The following CPS1 variants were observed in gnomAD, a reference collection of about 807,000 sequenced individuals.
CPS1 encodes carbamoyl-phosphate synthase [ammonia], mitochondrial.
A neutral mutation model predicts 174.6 loss-of-function variants in CPS1; 109 were observed. The observed-to-expected ratio is 0.62, with a 90% CI of 0.53 to 0.73. The LOEUF (loss-of-function observed/expected upper bound fraction) is 0.73. Among genes scored for constraint, CPS1 ranks in the 30% least tolerant of loss-of-function variants. The pLI is 0.00. For missense variants in CPS1, 1,689 were observed against 1,821.9 expected (o/e 0.93, Z 1.33); for synonymous variants, 637 against 632.0 (o/e 1.01, Z -0.12).
At chr2:210,502,150 A>G (rs560167308) in intron 1 of CPS1, among the ~76,000 whole-genome samples, 8 of 152,088 alleles carry the variant, frequency 5.3e-5, no homozygotes, top group South Asian at 2.1e-4. Context: ...CCATGATTCA[A>G]TTATTTCCAC....
rs781683030 is a variant in CPS1, at chr2:210,677,145, T to G, written c.4404+9T>G. The G allele has an allele frequency of 6.2e-7, 1 of 1,613,330 alleles. No homozygotes were observed. Among genetic ancestry groups the G allele is most frequent in the Middle Eastern group, 1.7e-4 (1 of 6,056 alleles). On this transcript the variant is annotated intron_variant, in intron 37 of 37. Coordinates refer to ENST00000233072, the MANE Select transcript of CPS1 (RefSeq NM_001875.5). ...TCCTCACTAATTTTCAGGTATAGTC[T>G]TTTCCTTGGATATAGACTGGATGGG...
intron 35 of CPS1, 57 bp from the exon 36 acceptor site, chr2:210,675,670 TC>T (rs1488484769): frequency 9.5e-6 from 8 of 844,376 alleles, no homozygotes; most frequent in South Asian, 9.4e-5. Context: ...AATTACATGT[TC>T]CATAAAAATA....
Position 210,612,210 on chromosome 2 carries a change from A to G in CPS1, c.2485A>G (p.Met829Val), listed in dbSNP as rs763220320. 16 of 1,612,160 alleles carry G rather than the reference A, an allele frequency of 9.9e-6. No homozygotes were observed. The highest frequency in any genetic ancestry group is 1.6e-4 in the Middle Eastern group (1 of 6,074). The change falls in exon 20 of 38, where the codon ATG (methionine) becomes GTG (valine). Residue 829 changes from methionine to valine, a missense_variant. By Grantham distance (21) the Met-to-Val change is conservative. Transcript: ENST00000233072. ...SIEGFTPRLP[M>V]NKEWPSNLDL... ...AGAAGGTTTCACTCCCCGTCTCCCA[A>G]TGAACAAAGAATGGCCATCTAATTT...
At chr2:210,630,100 A>C (rs1303633942) in intron 21 of CPS1, among the ~76,000 whole-genome samples, 1 of 151,444 alleles carries the variant, frequency 6.6e-6, no homozygotes, top group African/African-American at 2.4e-5. Context: ...AACAAAAAAA[A>C]AAAACAAAAC....
At chr2:210,640,624 C>A (rs1337142508) in intron 24 of CPS1, among the ~76,000 whole-genome samples, 2 of 152,026 alleles carry the variant, frequency 1.3e-5, no homozygotes, top group Non-Finnish European at 2.9e-5. Flanking sequence ...ATTACAGATG[C>A]AAGTATGTAT....
intron 9 of CPS1, 146 bp from the exon 10 acceptor site, chr2:210,591,685 G>C: frequency 1.2e-6 from 1 of 827,972 alleles, no homozygotes; most frequent in Non-Finnish European, 1.9e-6. Flanking sequence ...AACAATCTGT[G>C]ACTTTTCTCA....
In CPS1 at chr2:210,599,623, A is replaced by G. The variant is rs1156946672; in HGVS notation, c.1549+62A>G. ...TATGCACTGCTGTGTAATGTATTTTATTTGAGCTCATCTAACAATTGTGCT... is the reference window on the plus strand; with the variant it reads ...TATGCACTGCTGTGTAATGTATTTTGTTTGAGCTCATCTAACAATTGTGCT... On this transcript the variant is annotated intron_variant, in intron 14 of 37. Transcript: ENST00000233072. 7.2e-6 allele frequency: 11 copies of G among 1,525,880 alleles called. No homozygotes were observed. In the East Asian group the frequency reaches 2.5e-4, roughly 34 times the overall value. The allele number at this position is 1,525,880 out of a possible 1,614,324, so 94.5% of individuals were successfully genotyped here. A position where few individuals can be genotyped will look rare whatever the true frequency, so the allele number is the denominator to read the frequency against.
chr2:210,578,774 C>T (rs947015836), intron 4 of CPS1, among the ~76,000 whole-genome samples: 3 of 152,188 alleles, frequency 2.0e-5, no homozygotes, highest in Non-Finnish European at 4.4e-5. Flanking sequence ...CTTATCCAGG[C>T]AGCTAATTTC....
intron 1 of CPS1, among the ~76,000 whole-genome samples, chr2:210,540,279 C>T (rs986009630): frequency 1.3e-5 from 2 of 152,060 alleles, no homozygotes; most frequent in South Asian, 2.1e-4. Flanking sequence ...TTCCAAACCA[C>T]CCAAAAGAAA....
chr2:210,499,699 G>C (rs1695093594), intron 1 of CPS1, among the ~76,000 whole-genome samples: 2 of 152,120 alleles, frequency 1.3e-5, no homozygotes, highest in African/African-American at 4.8e-5. Context: ...TCCAGGACTT[G>C]GGAGAAAAAA....
chr2:210,605,044 C>T, intron 16 of CPS1, 58 bp from the exon 17 acceptor site: 1 of 1,601,716 alleles, frequency 6.2e-7, no homozygotes, highest in Non-Finnish European at 8.5e-7. Flanking sequence ...TGCCAAATAT[C>T]CTTGTTGAAG....
intron 21 of CPS1, chr2:210,618,719 CT>C (rs1467280958): frequency 6.6e-6 from 1 of 151,952 alleles, no homozygotes; most frequent in African/African-American, 2.4e-5. Flanking sequence ...TATGTAAGGC[CT>C]TGAGTTTCCT....
rs745381554 is a variant in CPS1, at chr2:210,594,572, T to C, written c.1229T>C (p.Leu410Ser). Residue 410 changes from leucine to serine, a missense_variant, in exon 12 of 38, where the codon TTA (leucine) becomes TCA (serine). Transcript: ENST00000233072. Reference protein sequence around the residue: ...KGKATTITSVLPKPALVASRV... With the variant: ...KGKATTITSVSPKPALVASRV... ...AAAGCTACCACCATTACATCAGTCTTACCGAAGCCAGCACTAGTTGCATCT... is the reference window on the plus strand; with the variant it reads ...AAAGCTACCACCATTACATCAGTCTCACCGAAGCCAGCACTAGTTGCATCT... 1 of 1,611,396 alleles carries C rather than the reference T, an allele frequency of 6.2e-7. No homozygotes were observed. The highest frequency in any genetic ancestry group is 2.2e-5 in the East Asian group (1 of 44,692).
chr2:210,634,703 T>G (rs1236262567), intron 21 of CPS1, among the ~76,000 whole-genome samples: 1 of 152,152 alleles, frequency 6.6e-6, no homozygotes, highest in Non-Finnish European at 1.5e-5. Flanking sequence ...TACTCTGACC[T>G]CCTAAATGTA....
Position 210,630,870 on chromosome 2 carries a change from C to T in CPS1, c.2688-6832C>T, listed in dbSNP as rs371692878. Among the ~76,000 whole-genome samples, 60 of 152,130 alleles carry T rather than the reference C, an allele frequency of 3.9e-4. 1 individual carries two copies. The highest frequency in any genetic ancestry group is 1.3e-3 in the African/African-American group (53 of 41,500). ...GTGGCATGGTCTTGAACCCGTGAAACGCCAAAAATAATAAGTGAAGCAGTA... is the reference window on the plus strand; with the variant it reads ...GTGGCATGGTCTTGAACCCGTGAAATGCCAAAAATAATAAGTGAAGCAGTA... On this transcript the variant is annotated intron_variant, in intron 21 of 37. Coordinates refer to ENST00000233072, the MANE Select transcript of CPS1 (RefSeq NM_001875.5).
chr2:210,579,131 A>G (rs1375837973), intron 4 of CPS1, among the ~76,000 whole-genome samples: 1 of 152,216 alleles, frequency 6.6e-6, no homozygotes, highest in African/African-American at 2.4e-5. Context: ...CTTTTTAAAA[A>G]AATCTTATTT....
At chr2:210,602,112 G>A in intron 15 of CPS1, 90 bp from the exon 16 acceptor site, 5 of 1,487,392 alleles carry the variant, frequency 3.4e-6, no homozygotes, top group South Asian at 1.2e-5. Context: ...CACATAAGTT[G>A]GTTTACCTGA....
At chr2:210,660,300 G>T (rs1040079579) in intron 31 of CPS1, among the ~76,000 whole-genome samples, 185 bp from the exon 32 acceptor site, 1 of 152,118 alleles carries the variant, frequency 6.6e-6, no homozygotes, top group Non-Finnish European at 1.5e-5. Flanking sequence ...GAAAGTTAGA[G>T]TTCAAAGATA....
chr2:210,520,336 G>A (rs1695787876), intron 1 of CPS1, among the ~76,000 whole-genome samples: 1 of 151,992 alleles, frequency 6.6e-6, no homozygotes, highest in African/African-American at 2.4e-5. Flanking sequence ...TGAGATACAT[G>A]TGCAGAACAT....
Sources: gnomAD v4.1 joint callset for allele counts (sites outside exome capture counted in the v4.1 genomes callset) on GRCh38, gnomAD v4.1.1 for gene constraint, MANE v1.5 for transcripts, NCBI Gene and HGNC (gene_info 2026-07-23, HGNC 2026-07-21) for gene names.